The following VWC2 variants were observed in gnomAD, a reference collection of about 807,000 sequenced individuals.
The protein encoded by VWC2 is von Willebrand factor C domain containing 2, also known as brorin.
Under a neutral mutation model 29.8 loss-of-function variants are expected in VWC2, and 14 were observed. That is an observed-to-expected ratio of 0.47 (90% CI 0.31 to 0.74). The LOEUF is 0.74. Ranked by LOEUF, VWC2 falls within the 30% of genes least tolerant of loss-of-function variation. VWC2 has a pLI of 0.05. For missense variants in VWC2, 457 were observed against 459.8 expected (o/e 0.99, Z 0.05); for synonymous variants, 213 against 199.0 (o/e 1.07, Z -0.59).
rs1430056123 is a variant in VWC2, at chr7:49,773,699, T to C, written c.-518T>C. 1 of 151,746 alleles carries C rather than the reference T, an allele frequency of 6.6e-6. No individual in the cohort carries two copies. Among genetic ancestry groups the C allele is most frequent in the African/African-American group, 2.4e-5 (1 of 41,244 alleles). 9.4% of individuals were successfully genotyped at this position (151,746 alleles called of 1,614,324 possible). On this transcript the variant is annotated 5_prime_UTR_variant, in exon 1 of 4. Coordinates refer to ENST00000340652, the MANE Select transcript of VWC2 (RefSeq NM_198570.5). Reference sequence around the variant, plus strand: ...CGCCGGCCGCGCTCCGGGCTTCTCTTTTCCCTCCGACGCGCCACGGCTGCC... The same window carrying C: ...CGCCGGCCGCGCTCCGGGCTTCTCTCTTCCCTCCGACGCGCCACGGCTGCC...
intron 2 of VWC2, among the ~76,000 whole-genome samples, chr7:49,786,023 G>T (rs1357005054): frequency 6.6e-6 from 1 of 152,140 alleles, no homozygotes; most frequent in Non-Finnish European, 1.5e-5. Context: ...CTTTTGCAAG[G>T]TATTTGTTAC....
chr7:49,797,510 C>T (rs543968265), intron 2 of VWC2, among the ~76,000 whole-genome samples: 1 of 152,296 alleles, frequency 6.6e-6, no homozygotes, highest in South Asian at 2.1e-4. Context: ...GACAGAGGCA[C>T]TGTGGTAACT....
chr7:49,892,872 T>C (rs1426717509), intron 3 of VWC2, among the ~76,000 whole-genome samples: 3 of 152,236 alleles, frequency 2.0e-5, no homozygotes, highest in Non-Finnish European at 4.4e-5. Flanking sequence ...TAGAAAATGC[T>C]GCCCACTCTG....
chr7:49,891,474 C>G (rs1285573325), intron 3 of VWC2, among the ~76,000 whole-genome samples: 2 of 152,006 alleles, frequency 1.3e-5, no homozygotes, highest in Non-Finnish European at 2.9e-5. Flanking sequence ...ACTTGACAAC[C>G]AGTAGAAAAT....
At chr7:49,836,456 C>G (rs533871312) in intron 3 of VWC2, among the ~76,000 whole-genome samples, 2 of 136,984 alleles carry the variant, frequency 1.5e-5, no homozygotes, top group South Asian at 4.9e-4. Flanking sequence ...TGGTGAAACT[C>G]TGTCTCTGAA....
chr7:49,807,667 A>G (rs1788909922), intron 3 of VWC2, among the ~76,000 whole-genome samples: 1 of 152,206 alleles, frequency 6.6e-6, no homozygotes, highest in Admixed American at 6.5e-5. Context: ...GGCTAAAACA[A>G]TAATGCTTTT....
chr7:49,883,769 C>T (rs1233518024), intron 3 of VWC2, among the ~76,000 whole-genome samples: 2 of 152,158 alleles, frequency 1.3e-5, no homozygotes, highest in Non-Finnish European at 2.9e-5. Flanking sequence ...TAATTGAACA[C>T]AAATTTGAAA....
chr7:49,838,983 T>G (rs975987216), intron 3 of VWC2, among the ~76,000 whole-genome samples: 1 of 151,722 alleles, frequency 6.6e-6, no homozygotes, highest in Non-Finnish European at 1.5e-5. Flanking sequence ...GTGAGGGAGG[T>G]GATAAAGTGT....
chr7:49,899,193 A>G (rs923342928), intron 3 of VWC2, among the ~76,000 whole-genome samples: 17 of 152,046 alleles, frequency 1.1e-4, no homozygotes, highest in Admixed American at 1.1e-3. Context: ...TGAACCCTAT[A>G]CATACTATGT....
chr7:49,809,164 G>T (rs1354973055), intron 3 of VWC2, among the ~76,000 whole-genome samples: 1 of 151,864 alleles, frequency 6.6e-6, no homozygotes, highest in East Asian at 1.9e-4. Context: ...GAAAAAATTA[G>T]AGAAGACACA....
Position 49,920,302 on chromosome 7 carries a change from T to A in VWC2, c.*8117T>A, listed in dbSNP as rs1187203272. ...TAAAAGTGGTATTTGGATGAGATAA[T>A]TTTCCTTTAAATTTATTCCTCAGAA... On this transcript the variant is annotated 3_prime_UTR_variant, in exon 4 of 4. Transcript: ENST00000340652. 1 of 152,182 alleles carries A rather than the reference T, an allele frequency of 6.6e-6. No individual in the cohort carries two copies. Among genetic ancestry groups the A allele is most frequent in the Non-Finnish European group, 1.5e-5 (1 of 68,026 alleles). 9.4% of individuals were successfully genotyped at this position (152,182 alleles called of 1,614,324 possible).
At chr7:49,782,853 TAAA>T (rs1788208335) in intron 2 of VWC2, among the ~76,000 whole-genome samples, 1 of 151,690 alleles carries the variant, frequency 6.6e-6, no homozygotes, top group Admixed American at 6.6e-5. Flanking sequence ...GACCCCATCT[TAAA>T]AAACAGAAAA....
At chr7:49,903,345 A>T (rs1792882532) in intron 3 of VWC2, among the ~76,000 whole-genome samples, 1 of 152,208 alleles carries the variant, frequency 6.6e-6, no homozygotes, top group South Asian at 2.1e-4. Context: ...ACAAAATGCC[A>T]CTCAGTTGTT....
chr7:49,911,762 T>C (rs1385409300), intron 3 of VWC2, among the ~76,000 whole-genome samples: 2 of 151,792 alleles, frequency 1.3e-5, no homozygotes, highest in African/African-American at 4.8e-5. Flanking sequence ...CTGGGTATAG[T>C]GGCATGCCCC....
intron 3 of VWC2, among the ~76,000 whole-genome samples, chr7:49,903,082 A>G (rs1792863747): frequency 6.6e-6 from 1 of 152,246 alleles, no homozygotes; most frequent in Non-Finnish European, 1.5e-5. Flanking sequence ...CATCAATATA[A>G]TGGCTAAAAC....
chr7:49,908,271 G>A (rs188986742), intron 3 of VWC2, among the ~76,000 whole-genome samples: 11 of 152,196 alleles, frequency 7.2e-5, no homozygotes, highest in Admixed American at 5.9e-4. Context: ...CATGTCCAAC[G>A]CCTACATTTC....
At chr7:49,822,117 T>TA (rs991880115) in intron 3 of VWC2, among the ~76,000 whole-genome samples, 3 of 152,238 alleles carry the variant, frequency 2.0e-5, no homozygotes, top group East Asian at 1.9e-4. Context: ...TTTTTGACAT[T>TA]AAAAAAATTG....
At chr7:49,808,208 A>G (rs895195411) in intron 3 of VWC2, among the ~76,000 whole-genome samples, 4 of 152,168 alleles carry the variant, frequency 2.6e-5, no homozygotes, top group Admixed American at 6.5e-5. Context: ...TTATTCCTAG[A>G]ACAATCACTA....
chr7:49,915,799 T>C lies in VWC2; in HGVS notation c.*3614T>C, dbSNP rs1244559084. 6.6e-6 allele frequency: 1 copy of C among 152,208 alleles called. No homozygotes were observed. Among genetic ancestry groups the C allele is most frequent in the African/African-American group, 2.4e-5 (1 of 41,454 alleles). The allele number at this position is 152,208 out of a possible 1,614,324, so 9.4% of individuals were successfully genotyped here. On this transcript the variant is annotated 3_prime_UTR_variant, in exon 4 of 4. Transcript: ENST00000340652. The stretch of plus-strand genomic sequence containing the variant: ...ATTGTTATTTTTAATATCATATTTT[T>C]CCCCAACATAATGTTATTATGAAGA...
Sources: allele counts gnomAD v4.1 joint callset (sites outside exome capture counted in the v4.1 genomes callset), GRCh38; gene constraint gnomAD v4.1.1; transcripts MANE v1.5; gene names NCBI Gene and HGNC (gene_info 2026-07-23, HGNC 2026-07-21).